MUC22: variants seen among roughly 807,000 people sequenced by gnomAD.
The protein encoded by MUC22 is mucin-22.
Under a neutral mutation model 40.3 loss-of-function variants are expected in MUC22, and 24 were observed. The ratio of observed to expected loss-of-function variants is 0.60; its 90% CI spans 0.43 to 0.84. MUC22 has a LOEUF of 0.84. Ranked by LOEUF, MUC22 falls within the 40% of genes least tolerant of loss-of-function variation. MUC22 has a pLI of 0.00. For missense variants in MUC22, 1,926 were observed against 2,130.7 expected, an observed-to-expected ratio of 0.90 and a Z score of 1.89; for synonymous variants, 765 against 844.5, an observed-to-expected ratio of 0.91 and a Z score of 1.63.
exon 2 of MUC22, chr6:31,028,930 A>G: frequency 6.6e-7 from 1 of 1,518,488 alleles, no homozygotes; most frequent in Non-Finnish European, 8.8e-7. Flanking sequence ...TGAGATCACT[A>G]CAGTTTCTAC....
At chr6:31,025,570 ACCACCATGGCCT>A (rs1389612314) in exon 2 of MUC22, 17 of 1,526,416 alleles carry the variant, frequency 1.1e-5, no homozygotes, top group Middle Eastern at 1.7e-4. Flanking sequence ...AGGCTCTGAG[ACCACCATGGCCT>A]CCACCATGGC....
chr6:31,020,333 C>CT (rs970047875), intron 1 of MUC22, among the ~76,000 whole-genome samples: 2 of 151,478 alleles, frequency 1.3e-5, no homozygotes, highest in African/African-American at 2.4e-5. Context: ...GAAAAAAATA[C>CT]TTTATCAACC....
At chr6:31,019,917 G>A (rs1764545391) in intron 1 of MUC22, among the ~76,000 whole-genome samples, 3 of 152,196 alleles carry the variant, frequency 2.0e-5, no homozygotes, top group Non-Finnish European at 2.9e-5. Flanking sequence ...TTGTGAGGGT[G>A]AGAGGGAGTA....
At chr6:31,031,208 G>A (rs1377170758) in intron 2 of MUC22, among the ~76,000 whole-genome samples, 1 of 152,210 alleles carries the variant, frequency 6.6e-6, no homozygotes, top group Admixed American at 6.5e-5. Context: ...CCTCTGCTGT[G>A]TTGATTCGTG....
chr6:31,008,586 T>C (rs1763663182), upstream of MUC22, among the ~76,000 whole-genome samples: 1 of 150,610 alleles, frequency 6.6e-6, no homozygotes, highest in South Asian at 2.1e-4. Flanking sequence ...TCTCACTCTG[T>C]CACCCGGGCT....
intron 1 of MUC22, among the ~76,000 whole-genome samples, chr6:31,022,630 A>G (rs1764953262): frequency 6.6e-6 from 1 of 152,208 alleles, no homozygotes; most frequent in Admixed American, 6.5e-5. Context: ...TTATATGTAG[A>G]CATAAAATGT....
rs548952509 is a variant in MUC22 at position 31,021,113 on chromosome 6, G to A, written c.71-4389G>A. ...CACGGGCTGAGGACTGTGAGCGCAT[G>A]GCGTAGGACTGGCAGGCAGCTCCAC... On this transcript the variant is annotated intron_variant, in intron 1 of 3. Transcript: ENST00000561890. 1.2e-3 allele frequency among the ~76,000 whole-genome samples: 176 copies of A among 152,390 alleles called. 2 individuals carry two copies. Among genetic ancestry groups the A allele is most frequent in the Non-Finnish European group, 2.0e-3 (133 of 68,026 alleles).
At chr6:31,023,003 G>A (rs963540725) in intron 1 of MUC22, among the ~76,000 whole-genome samples, 2 of 152,070 alleles carry the variant, frequency 1.3e-5, no homozygotes, top group Non-Finnish European at 2.9e-5. Context: ...GGTGGCGCAT[G>A]CCTGTGGTTC....
Position 31,011,685 on chromosome 6 carries a change from T to A in MUC22, c.70+909T>A, listed in dbSNP as rs1292754186. On this transcript the variant is annotated intron_variant, in intron 1 of 3. Coordinates refer to ENST00000561890, the Ensembl canonical transcript of MUC22. The surrounding 1 kb of genome is among the most constrained non-coding windows in gnomAD (Gnocchi z 4.5). ...TGTCTTTTTTGTATAATGACTTCTT[T>A]TCCTCTGGGTAGATACCCAGTAGTG... Among the ~76,000 whole-genome samples the A allele has an allele frequency of 6.6e-6, 1 of 152,246 alleles. No individual in the cohort carries two copies. Among genetic ancestry groups the A allele is most frequent in the Non-Finnish European group, 1.5e-5 (1 of 68,042 alleles).
chr6:31,025,715 C>A lies in MUC22; in HGVS notation c.284C>A (p.Thr95Lys), dbSNP rs747791085. 7.8e-5 allele frequency: 119 copies of A among 1,530,564 alleles called. No homozygotes were observed. The highest frequency in any genetic ancestry group is 1.0e-4 in the Non-Finnish European group (115 of 1,142,916). The allele number at this position is 1,530,564 out of a possible 1,614,324, so 94.8% of individuals were successfully genotyped here. ...TTCACCACAGGCTCTGAGACCAACA[C>A]GGCCTCCACCACAGACTCAGGGACT... is the stretch of plus-strand genomic sequence containing the variant. Residue 95 changes from threonine (T) to lysine (K), a missense_variant, in exon 2 of 4, where the codon ACG becomes AAG. By Grantham distance (78) the Thr-to-Lys change is moderately conservative (BLOSUM62 -1). Transcript: ENST00000561890.
At chr6:31,033,235 G>A (rs1766200436) in intron 3 of MUC22, among the ~76,000 whole-genome samples, 2 of 149,516 alleles carry the variant, frequency 1.3e-5, no homozygotes, top group East Asian at 2.0e-4. Flanking sequence ...GAGAAAGAAT[G>A]AGGAAGAAAG....
intron 1 of MUC22, among the ~76,000 whole-genome samples, chr6:31,015,254 G>T (rs1237227479): frequency 1.3e-5 from 2 of 152,114 alleles, no homozygotes; most frequent in African/African-American, 4.8e-5. Context: ...CTACTTTTAA[G>T]AATTGGCTAG....
At chr6:31,020,806 G>A (rs1333319909) in intron 1 of MUC22, among the ~76,000 whole-genome samples, 1 of 151,174 alleles carries the variant, frequency 6.6e-6, no homozygotes, top group Non-Finnish European at 1.5e-5. Context: ...TGGCGGCCCC[G>A]CACTCGAAGC....
chr6:31,029,773 G>C (rs532123381), exon 2 of MUC22: 2 of 1,534,594 alleles, frequency 1.3e-6, no homozygotes, highest in East Asian at 2.4e-5. Flanking sequence ...GACCACCACA[G>C]CCTCCACTGC....
chr6:31,017,038 G>A (rs1764265884), intron 1 of MUC22, among the ~76,000 whole-genome samples: 1 of 152,336 alleles, frequency 6.6e-6, no homozygotes, highest in Admixed American at 6.5e-5. Flanking sequence ...CTCCCTGAGG[G>A]GCACGGCTTG....
At chr6:31,026,129 C>T in exon 2 of MUC22, 1 of 1,532,730 alleles carries the variant, frequency 6.5e-7, no homozygotes, top group Non-Finnish European at 8.7e-7. Context: ...ACCTCCATGG[C>T]AGGCTCTGAG....
At chr6:31,020,968 C>G (rs1764667862) in intron 1 of MUC22, among the ~76,000 whole-genome samples, 1 of 152,220 alleles carries the variant, frequency 6.6e-6, no homozygotes, top group South Asian at 2.1e-4. Context: ...TGGGGCAGGG[C>G]TGGGGACCTG....
intron 1 of MUC22, among the ~76,000 whole-genome samples, chr6:31,020,790 T>C (rs946046880): frequency 6.7e-6 from 1 of 148,340 alleles, no homozygotes; most frequent in Non-Finnish European, 1.5e-5. Flanking sequence ...CAGGTAGGCG[T>C]GGGCTTGGCG....
At chr6:31,016,693 C>A (rs3869097) in intron 1 of MUC22, among the ~76,000 whole-genome samples, 1 of 152,120 alleles carries the variant, frequency 6.6e-6, no homozygotes, top group African/African-American at 2.4e-5. Context: ...ATTCTGGCTG[C>A]GCTTGAGGGG....
Sources: gnomAD v4.1 joint callset for allele counts (sites outside exome capture counted in the v4.1 genomes callset) on GRCh38, gnomAD v4.1.1 for gene constraint, Gnocchi (gnomAD v3.1) non-coding constraint, MANE v1.5 for transcripts, NCBI Gene and HGNC (gene_info 2026-07-23, HGNC 2026-07-21) for gene names.